The following MACROD2 variants were observed in gnomAD, a reference collection of about 807,000 sequenced individuals.
The protein encoded by MACROD2 is ADP-ribose glycohydrolase MACROD2.
MACROD2 carries 36 observed loss-of-function variants against 70.4 expected under a neutral mutation model. The ratio of observed to expected loss-of-function variants is 0.51; its 90% CI spans 0.39 to 0.68. The LOEUF (loss-of-function observed/expected upper bound fraction) is 0.68. Ranked by LOEUF, MACROD2 falls within the 30% of genes least tolerant of loss-of-function variation. MACROD2 has a pLI of 0.00. For synonymous variants in MACROD2, 172 were observed against 178.8 expected (o/e 0.96, Z 0.30); for missense variants, 496 against 538.4 (o/e 0.92, Z 0.78).
intron 10 of MACROD2, among the ~76,000 whole-genome samples, chr20:15,905,117 C>T (rs1018887856): frequency 6.6e-6 from 1 of 152,114 alleles, no homozygotes; most frequent in African/African-American, 2.4e-5. Flanking sequence ...AAAATTGATT[C>T]TTTATGAGCT....
intron 5 of MACROD2, among the ~76,000 whole-genome samples, chr20:15,170,474 T>A (rs777952673): frequency 6.6e-6 from 1 of 152,142 alleles, no homozygotes; most frequent in Non-Finnish European, 1.5e-5. Context: ...TGTGCTTGCA[T>A]CTGATGATGG....
At position 15,715,312 on chromosome 20, in the gene MACROD2, T is replaced by C. The variant is rs181721314; in HGVS notation, c.646-147433T>C. Among the ~76,000 whole-genome samples the C allele has an allele frequency of 3.8e-3, 582 of 152,260 alleles. 3 individuals are homozygous for C. Among genetic ancestry groups the C allele is most frequent in the Non-Finnish European group, 7.0e-3 (475 of 67,994 alleles). ...TTTAAGTCATGTCAGCAAACGTGTA[T>C]TTCCAAGGTCAGCTCTACCAAAGAG... On this transcript the variant is annotated intron_variant, in intron 8 of 17. Coordinates refer to ENST00000684519, the MANE Select transcript of MACROD2 (RefSeq NM_001351661.2).
Position 15,541,870 on chromosome 20 carries a change from A to G in MACROD2, c.645+42023A>G, listed in dbSNP as rs185462486. ...CATGTAGCATACAGGCGCTCATATA[A>G]TGCTCTCCCTTCCCCACTACACCAC... On this transcript the variant is annotated intron_variant, in intron 8 of 17. Coordinates refer to ENST00000684519, the MANE Select transcript of MACROD2 (RefSeq NM_001351661.2). 1.8e-4 allele frequency among the ~76,000 whole-genome samples: 28 copies of G among 152,254 alleles called. No homozygotes were observed. In the East Asian group the frequency reaches 4.4e-3, roughly 24 times the overall value.
At chr20:14,483,229 C>T (rs1357520335) in intron 3 of MACROD2, among the ~76,000 whole-genome samples, 3 of 151,954 alleles carry the variant, frequency 2.0e-5, no homozygotes, top group East Asian at 1.9e-4. Flanking sequence ...ATACATGAAG[C>T]GTCTTAATGG....
intron 13 of MACROD2, among the ~76,000 whole-genome samples, chr20:15,978,606 C>G (rs2066347865): frequency 6.6e-6 from 1 of 152,040 alleles, no homozygotes; most frequent in African/African-American, 2.4e-5. Flanking sequence ...CTCTCTCTCT[C>G]TCTCTCTCTC....
At chr20:14,329,103 G>A (rs779561587) in intron 3 of MACROD2, 14 of 152,022 alleles carry the variant, frequency 9.2e-5, no homozygotes, top group Non-Finnish European at 1.8e-4. Context: ...TATAAACTTT[G>A]TACAGTAGCT....
chr20:14,989,854 G>T (rs1369854018), intron 5 of MACROD2, among the ~76,000 whole-genome samples: 1 of 151,962 alleles, frequency 6.6e-6, no homozygotes, highest in African/African-American at 2.4e-5. Flanking sequence ...TATTTCAACC[G>T]TTTCTTTTTG....
intron 4 of MACROD2, among the ~76,000 whole-genome samples, chr20:14,612,946 T>C (rs1983261678): frequency 6.6e-6 from 1 of 152,126 alleles, no homozygotes. Flanking sequence ...CTTTATTTCT[T>C]CTATGCACCT....
At chr20:14,357,409 A>G (rs2083182126) in intron 3 of MACROD2, among the ~76,000 whole-genome samples, 3 of 152,222 alleles carry the variant, frequency 2.0e-5, no homozygotes, top group Admixed American at 2.0e-4. Context: ...AAAGTTTTAA[A>G]TGAAAAGATA....
At chr20:16,007,206 T>G (rs2066800984) in intron 15 of MACROD2, among the ~76,000 whole-genome samples, 1 of 152,230 alleles carries the variant, frequency 6.6e-6, no homozygotes, top group Admixed American at 6.5e-5. Flanking sequence ...GACAGAAATG[T>G]AGCTGCATTT....
intron 4 of MACROD2, among the ~76,000 whole-genome samples, chr20:14,646,680 T>G (rs916336225): frequency 6.6e-6 from 1 of 152,130 alleles, no homozygotes; most frequent in Non-Finnish European, 1.5e-5. Flanking sequence ...TTTCACCCTT[T>G]GCATCATTAT....
At chr20:15,088,594 G>C (rs1266250189) in intron 5 of MACROD2, among the ~76,000 whole-genome samples, 1 of 151,494 alleles carries the variant, frequency 6.6e-6, no homozygotes, top group Non-Finnish European at 1.5e-5. Context: ...AAGAAAAAGT[G>C]AGAGGATACA....
intron 3 of MACROD2, chr20:14,128,047 G>A: frequency 1.8e-6 from 1 of 563,060 alleles, no homozygotes; most frequent in Non-Finnish European, 3.5e-6. Context: ...ATTTTACTTT[G>A]TAACCTGAAA....
At chr20:14,262,577 G>A (rs2082109660) in intron 3 of MACROD2, among the ~76,000 whole-genome samples, 1 of 152,194 alleles carries the variant, frequency 6.6e-6, no homozygotes, top group Non-Finnish European at 1.5e-5. Context: ...GAAAGTGAAT[G>A]TAATTACTTG....
At chr20:15,021,872 T>C (rs74738088) in intron 5 of MACROD2, among the ~76,000 whole-genome samples, 15,992 of 152,090 alleles carry the variant, frequency 0.11, 1,121 homozygotes, top group Non-Finnish European at 0.15. Context: ...CAATACTGGT[T>C]CAGTAACAAA....
intron 7 of MACROD2, among the ~76,000 whole-genome samples, chr20:15,478,092 C>T (rs1026409453): frequency 3.3e-5 from 5 of 152,186 alleles, no homozygotes; most frequent in Admixed American, 2.0e-4. Context: ...AGAATATTGG[C>T]CTGCAGAACT....
chr20:15,000,997 T>C (rs1222427535), intron 5 of MACROD2, among the ~76,000 whole-genome samples: 1 of 152,202 alleles, frequency 6.6e-6, no homozygotes, highest in African/African-American at 2.4e-5. Flanking sequence ...TTTCACTTCA[T>C]CACACCTTAG....
intron 5 of MACROD2, among the ~76,000 whole-genome samples, chr20:15,028,318 G>A (rs1234858405): frequency 7.2e-5 from 11 of 152,206 alleles, no homozygotes; most frequent in Non-Finnish European, 1.6e-4. Flanking sequence ...GCAGTCAGAG[G>A]AGGGCCAGAG....
At chr20:14,910,312 G>A (rs2074011271) in intron 5 of MACROD2, among the ~76,000 whole-genome samples, 1 of 152,192 alleles carries the variant, frequency 6.6e-6, no homozygotes, top group Admixed American at 6.5e-5. Context: ...TTGAAGTGGG[G>A]AAAGAAGATT....
Sources: gnomAD v4.1 joint callset for allele counts (sites outside exome capture counted in the v4.1 genomes callset) on GRCh38, gnomAD v4.1.1 for gene constraint, MANE v1.5 for transcripts, NCBI Gene and HGNC (gene_info 2026-07-23, HGNC 2026-07-21) for gene names.